TRPM3: variants seen among roughly 807,000 people sequenced by gnomAD.
TRPM3 encodes long transient receptor potential channel 3.
TRPM3 carries 77 observed loss-of-function variants against 181.2 expected under a neutral mutation model. The ratio of observed to expected loss-of-function variants is 0.42; its 90% CI spans 0.35 to 0.51. The LOEUF is 0.51. Among genes scored for constraint, TRPM3 ranks in the 20% least tolerant of loss-of-function variants. The pLI is 0.01. For missense variants in TRPM3, 1,759 were observed against 2,196.7 expected (o/e 0.80, Z 3.98); for synonymous variants, 745 against 796.4 (o/e 0.94, Z 1.09).
intron 4 of TRPM3, among the ~76,000 whole-genome samples, chr9:70,843,415 T>C (rs867506453): frequency 8.6e-4 from 131 of 152,304 alleles, no homozygotes; most frequent in African/African-American, 2.9e-3. Flanking sequence ...AAATACAATT[T>C]TTTTTAACTA....
chr9:70,873,679 G>A (rs892633672), intron 1 of TRPM3, among the ~76,000 whole-genome samples: 2 of 151,944 alleles, frequency 1.3e-5, no homozygotes, highest in African/African-American at 4.8e-5. Context: ...GCTGGCCACT[G>A]CCAGAGTGAA....
chr9:70,969,460 A>C (rs1590171516), intron 1 of TRPM3, among the ~76,000 whole-genome samples: 1 of 151,980 alleles, frequency 6.6e-6, no homozygotes, highest in African/African-American at 2.4e-5. Flanking sequence ...GGAAATCTGA[A>C]TAAAATATGA....
chr9:71,401,766 C>A (rs112025789), intron 1 of TRPM3, among the ~76,000 whole-genome samples: 2 of 152,166 alleles, frequency 1.3e-5, no homozygotes, highest in African/African-American at 4.8e-5. Flanking sequence ...GAAGGCAAAG[C>A]ACTTGCTTGC....
At chr9:71,224,001 T>G (rs1159530220) in intron 1 of TRPM3, among the ~76,000 whole-genome samples, 3 of 152,178 alleles carry the variant, frequency 2.0e-5, no homozygotes, top group African/African-American at 7.2e-5. Flanking sequence ...CTGACTGGCT[T>G]CACCACCTGC....
intron 1 of TRPM3, among the ~76,000 whole-genome samples, chr9:71,431,621 T>C (rs970714409): frequency 7.0e-4 from 107 of 152,286 alleles, no homozygotes; most frequent in African/African-American, 2.6e-3. Context: ...GTCAGTAGCA[T>C]ATTGACAAAA....
chr9:70,639,123 T>C lies in TRPM3; in HGVS notation c.1518A>G (p.Ile506Met). Residue 506 changes from isoleucine (I) to methionine (M), a missense_variant, in exon 11 of 26, where the codon ATA (isoleucine) becomes ATG (methionine). By Grantham distance (10) the Ile-to-Met change is conservative (BLOSUM62 1). This residue lies in a region of TRPM3 where 737 missense variants were observed against 957.4 expected (regional missense o/e 0.77). Coordinates refer to ENST00000677713, the MANE Select transcript of TRPM3 (RefSeq NM_001366145.2). ...AACGGTGCATGCTTACTCCATTCTCTATGAGTAATTTCACAAAATCCACTC... is the reference window on the plus strand; with the variant it reads ...AACGGTGCATGCTTACTCCATTCTCCATGAGTAATTTCACAAAATCCACTC... ...LDRVDFVKLLIENGVSMHRFL... is the reference protein window; with the variant it reads ...LDRVDFVKLLMENGVSMHRFL... 1.2e-6 allele frequency: 2 copies of C among 1,614,020 alleles called. No individual in the cohort carries two copies. Among genetic ancestry groups the C allele is most frequent in the Non-Finnish European group, 1.7e-6 (2 of 1,179,916 alleles).
At chr9:70,617,423 G>T (rs1201540679) in intron 17 of TRPM3, among the ~76,000 whole-genome samples, 1 of 152,152 alleles carries the variant, frequency 6.6e-6, no homozygotes, top group Non-Finnish European at 1.5e-5. Flanking sequence ...TTGGGGAGGG[G>T]AGGAAATGGG....
intron 1 of TRPM3, among the ~76,000 whole-genome samples, chr9:70,975,913 T>C (rs1476842755): frequency 6.6e-6 from 1 of 152,250 alleles, no homozygotes; most frequent in African/African-American, 2.4e-5. Flanking sequence ...GAATGGCTGC[T>C]GTGAGAATTC....
intron 1 of TRPM3, among the ~76,000 whole-genome samples, chr9:70,878,731 C>T (rs973616769): frequency 2.0e-4 from 30 of 151,992 alleles, no homozygotes; most frequent in Non-Finnish European, 5.9e-5. Flanking sequence ...TGGGCCAACA[C>T]CAGTTTATGA....
chr9:71,237,489 C>T (rs1019451981), intron 1 of TRPM3, among the ~76,000 whole-genome samples: 7 of 152,132 alleles, frequency 4.6e-5, no homozygotes, highest in African/African-American at 1.7e-4. Flanking sequence ...ACAGAAAACC[C>T]ACATTTTCTA....
chr9:70,612,926 G>A (rs1221136738), intron 18 of TRPM3, among the ~76,000 whole-genome samples: 1 of 152,156 alleles, frequency 6.6e-6, no homozygotes, highest in Non-Finnish European at 1.5e-5. Context: ...CTTGGAGAGT[G>A]GCATTTTGGG....
At chr9:71,420,769 G>GAGAGAA in intron 1 of TRPM3, among the ~76,000 whole-genome samples, 1 of 18,806 alleles carries the variant, frequency 5.3e-5, no homozygotes, top group African/African-American at 1.9e-4. Flanking sequence ...GAGAGAGAAA[G>GAGAGAA]AGAGAGAAAG....
chr9:70,760,897 C>A (rs1328927574), intron 8 of TRPM3: 1 of 152,348 alleles, frequency 6.6e-6, no homozygotes, highest in Non-Finnish European at 1.5e-5. Flanking sequence ...CGGGTTTCCT[C>A]ATCTGTAAGA....
intron 1 of TRPM3, among the ~76,000 whole-genome samples, chr9:71,210,770 T>C (rs958458549): frequency 6.6e-6 from 1 of 152,192 alleles, no homozygotes; most frequent in Non-Finnish European, 1.5e-5. Flanking sequence ...GAAATCTGCT[T>C]CTTACAATTC....
At chr9:70,549,037 C>T (rs550878701) in intron 25 of TRPM3, among the ~76,000 whole-genome samples, 13 of 152,094 alleles carry the variant, frequency 8.5e-5, no homozygotes, top group African/African-American at 2.2e-4. Context: ...AAAAACAAAA[C>T]AATTCTGGGG....
intron 1 of TRPM3, among the ~76,000 whole-genome samples, chr9:71,427,138 T>A (rs1475856165): frequency 2.0e-5 from 3 of 152,174 alleles, no homozygotes; most frequent in African/African-American, 7.2e-5. Context: ...ATTTTTTTTC[T>A]TCAGTGGTCA....
At chr9:71,314,601 G>T (rs2088364503) in intron 1 of TRPM3, among the ~76,000 whole-genome samples, 2 of 152,066 alleles carry the variant, frequency 1.3e-5, no homozygotes, top group African/African-American at 2.4e-5. Context: ...GTATAACTAT[G>T]GCCCCCACCT....
chr9:70,981,051 AC>A (rs2097358915), intron 1 of TRPM3, among the ~76,000 whole-genome samples: 2 of 152,182 alleles, frequency 1.3e-5, no homozygotes, highest in Admixed American at 6.5e-5. Flanking sequence ...AGCTCGAGTC[AC>A]ATTAAAGTGA....
intron 1 of TRPM3, among the ~76,000 whole-genome samples, chr9:70,931,891 T>A (rs539756957): frequency 1.3e-5 from 2 of 152,336 alleles, no homozygotes; most frequent in African/African-American, 4.8e-5. Context: ...TCTCTGGCAT[T>A]TGTTGCTTTA....
Sources: allele counts gnomAD v4.1 joint callset (sites outside exome capture counted in the v4.1 genomes callset), GRCh38; gene constraint gnomAD v4.1.1; regional missense constraint gnomAD v4.1.1; transcripts MANE v1.5; gene names NCBI Gene and HGNC (gene_info 2026-07-23, HGNC 2026-07-21).